PIAS1: variants seen among roughly 807,000 people sequenced by gnomAD.
PIAS1 encodes the protein protein inhibitor of activated STAT 1.
Under a neutral mutation model 71.3 loss-of-function variants are expected in PIAS1, and 6 were observed. The ratio of observed to expected loss-of-function variants is 0.08; its 90% CI spans 0.05 to 0.17. PIAS1 has a LOEUF of 0.17. Among genes scored for constraint, PIAS1 ranks in the 10% least tolerant of loss-of-function variants. The pLI, the probability that PIAS1 is intolerant of heterozygous loss-of-function variation, is 1.00. For missense variants in PIAS1, 555 were observed against 793.6 expected, an observed-to-expected ratio of 0.70 and a Z score of 3.61; for synonymous variants, 303 against 292.9, an observed-to-expected ratio of 1.03 and a Z score of -0.35.
chr15:68,102,293 C>T (rs2092433930), intron 2 of PIAS1, among the ~76,000 whole-genome samples: 2 of 152,124 alleles, frequency 1.3e-5, no homozygotes, highest in Admixed American at 1.3e-4. Flanking sequence ...CTTTCTGGGT[C>T]CTCTGTTCTG....
intron 2 of PIAS1, among the ~76,000 whole-genome samples, chr15:68,138,103 T>A (rs2092746096): frequency 6.6e-6 from 1 of 152,120 alleles, no homozygotes; most frequent in Non-Finnish European, 1.5e-5. Flanking sequence ...TGAGCTATGA[T>A]CATGCCACTG....
chr15:68,097,842 T>G (rs1183527948), intron 2 of PIAS1, among the ~76,000 whole-genome samples: 1 of 152,222 alleles, frequency 6.6e-6, no homozygotes, highest in Non-Finnish European at 1.5e-5. Context: ...TTTCATATAT[T>G]AAACCAGTAG....
Position 68,191,322 on chromosome 15 carries a change from TGTATA to T in PIAS1, c.*3491_*3495del, listed in dbSNP as rs758872652. 6.6e-6 allele frequency: 1 copy of T among 152,652 alleles called. No individual in the cohort carries two copies. Among genetic ancestry groups the T allele is most frequent in the Non-Finnish European group, 1.5e-5 (1 of 68,042 alleles). The allele number at this position is 152,652 out of a possible 1,614,324, so 9.5% of individuals were successfully genotyped here. ...AAACCAGTAAAATGGCTTTTAAAAA[TGTATA>T]GTAGACAATGTCAGTTTGTATAAAA... On this transcript the variant is annotated 3_prime_UTR_variant, in exon 14 of 14. Coordinates refer to ENST00000249636, the MANE Select transcript of PIAS1 (RefSeq NM_016166.3).
chr15:68,055,273 G>C (rs2091883263), intron 1 of PIAS1: 5 of 899,850 alleles, frequency 5.6e-6, no homozygotes, highest in Non-Finnish European at 6.7e-6. Context: ...CCTTTTGTTT[G>C]TAGGGACATC....
chr15:68,136,627 A>G (rs1026402494), intron 2 of PIAS1, among the ~76,000 whole-genome samples: 2 of 152,178 alleles, frequency 1.3e-5, no homozygotes, highest in Admixed American at 1.3e-4. Flanking sequence ...CTAAAATTCC[A>G]GATATATTAA....
At chr15:68,176,225 C>T (rs920361684) in intron 10 of PIAS1, among the ~76,000 whole-genome samples, 1 of 152,086 alleles carries the variant, frequency 6.6e-6, no homozygotes, top group Non-Finnish European at 1.5e-5. Context: ...AATTACTTTT[C>T]TTCTGAAGTG....
rs558768647 is a variant in PIAS1, at chr15:68,112,166, G to A, written c.469+25416G>A. Reference sequence around the variant, plus strand: ...TTTTCTTCTGTAACTGAGGGTGAATGCTCTGGTATCTGTACTGAGACCAGA... The same window carrying A: ...TTTTCTTCTGTAACTGAGGGTGAATACTCTGGTATCTGTACTGAGACCAGA... On this transcript the variant is annotated intron_variant, in intron 2 of 13. Transcript: ENST00000249636. Among the ~76,000 whole-genome samples the A allele has an allele frequency of 1.1e-3, 174 of 152,028 alleles. 2 individuals are homozygous for A. Among genetic ancestry groups the A allele is most frequent in the African/African-American group, 4.1e-3 (170 of 41,452 alleles).
At chr15:68,110,187 T>C (rs998204067) in intron 2 of PIAS1, among the ~76,000 whole-genome samples, 1 of 152,108 alleles carries the variant, frequency 6.6e-6, no homozygotes, top group Admixed American at 6.6e-5. Flanking sequence ...AAAAATCTCA[T>C]GCAACAATAA....
In PIAS1 at chr15:68,056,028, T is replaced by G. The variant is rs1469238399; in HGVS notation, c.24+1678T>G. The G allele has an allele frequency of 2.7e-5, 17 of 638,980 alleles. No homozygotes were observed. The Admixed American group carries it at 3.6e-4, about 14-fold the overall frequency. 39.6% of individuals were successfully genotyped at this position (638,980 alleles called of 1,614,324 possible). On this transcript the variant is annotated intron_variant, in intron 1 of 13. Transcript: ENST00000249636. ...TTTTCCCCAGTTTCAAACTATTGAC[T>G]GAAATGAGAAAGCCTTAGGAATTTG...
chr15:68,070,451 G>A (rs2092082718), intron 1 of PIAS1, among the ~76,000 whole-genome samples: 1 of 152,072 alleles, frequency 6.6e-6, no homozygotes, highest in Non-Finnish European at 1.5e-5. Flanking sequence ...CTCGGAAGTG[G>A]GTAGCTGAGG....
intron 1 of PIAS1, chr15:68,055,826 TAG>T: frequency 1.5e-6 from 1 of 672,458 alleles, no homozygotes; most frequent in Non-Finnish European, 2.7e-6. Context: ...TTTGATTCTG[TAG>T]AGTTTTTCCT....
At chr15:68,070,368 T>A (rs1025528164) in intron 1 of PIAS1, among the ~76,000 whole-genome samples, 1 of 152,320 alleles carries the variant, frequency 6.6e-6, no homozygotes, top group South Asian at 2.1e-4. Context: ...GAGGTTGTAG[T>A]TGGAAAATGA....
intron 11 of PIAS1, among the ~76,000 whole-genome samples, chr15:68,179,284 T>C (rs1223586878): frequency 6.6e-6 from 1 of 152,214 alleles, no homozygotes. Context: ...GTGCTTAATG[T>C]TCATCCAGAA....
intron 1 of PIAS1, chr15:68,057,456 T>G (rs2091909048): frequency 2.3e-6 from 1 of 436,002 alleles, no homozygotes; most frequent in African/African-American, 2.1e-5. Flanking sequence ...TCAAACCAAG[T>G]TATAGTGCCA....
intron 4 of PIAS1, among the ~76,000 whole-genome samples, chr15:68,144,882 A>G (rs770319814): frequency 2.6e-5 from 4 of 152,126 alleles, no homozygotes; most frequent in South Asian, 2.1e-4. Context: ...CCGTACTCAG[A>G]TTTCATGGCC....
At chr15:68,169,120 C>T (rs1242554673) in intron 8 of PIAS1, among the ~76,000 whole-genome samples, 1 of 152,136 alleles carries the variant, frequency 6.6e-6, no homozygotes, top group East Asian at 1.9e-4. Context: ...CTGTATTTCT[C>T]TAGAATTTTT....
intron 1 of PIAS1, among the ~76,000 whole-genome samples, chr15:68,064,136 G>C (rs2091990775): frequency 6.6e-6 from 1 of 151,910 alleles, no homozygotes; most frequent in Non-Finnish European, 1.5e-5. Context: ...ATTTTTACTT[G>C]AAAAAATGGC....
intron 7 of PIAS1, among the ~76,000 whole-genome samples, chr15:68,156,364 G>A (rs775707873): frequency 1.3e-5 from 2 of 152,132 alleles, no homozygotes; most frequent in Non-Finnish European, 2.9e-5. Context: ...CTCCAAGATG[G>A]GAACAGAGTA....
chr15:68,101,907 C>T (rs751184844), intron 2 of PIAS1, among the ~76,000 whole-genome samples: 9 of 152,024 alleles, frequency 5.9e-5, no homozygotes, highest in South Asian at 4.1e-4. Context: ...TGTGCCATCG[C>T]GCCCAACTAA....
Sources: gnomAD v4.1 joint callset for allele counts (sites outside exome capture counted in the v4.1 genomes callset) on GRCh38, gnomAD v4.1.1 for gene constraint, MANE v1.5 for transcripts, NCBI Gene and HGNC (gene_info 2026-07-23, HGNC 2026-07-21) for gene names.